Variants in ERG observed in about 807,000 individuals in gnomAD.
The protein encoded by ERG is ETS transcription factor ERG, also known as transcriptional regulator ERG.
In ERG, 9 loss-of-function variants were observed where a neutral mutation model predicts 55.3. That is an observed-to-expected ratio of 0.16 (90% CI 0.10 to 0.28). The LOEUF (loss-of-function observed/expected upper bound fraction) is 0.28, where lower values mean the gene tolerates loss of function less well. ERG is among the 10% of genes least tolerant of loss of function. The pLI is 1.00. For missense variants in ERG, 434 were observed against 631.6 expected (o/e 0.69, Z 3.35); for synonymous variants, 223 against 237.3 (o/e 0.94, Z 0.55).
intron 1 of ERG, among the ~76,000 whole-genome samples, chr21:38,490,929 C>A (rs760955094): frequency 6.6e-6 from 1 of 152,208 alleles, no homozygotes; most frequent in Non-Finnish European, 1.5e-5. Flanking sequence ...AAGTGCCTCC[C>A]TGGGCCAAAG....
intron 1 of ERG, among the ~76,000 whole-genome samples, chr21:38,611,728 T>C (rs993723817): frequency 1.3e-5 from 2 of 152,090 alleles, no homozygotes; most frequent in African/African-American, 4.8e-5. Context: ...TGTCTTATTG[T>C]CTGTCTGTCT....
chr21:38,411,064 C>T (rs1193740844), intron 3 of ERG, among the ~76,000 whole-genome samples: 1 of 152,158 alleles, frequency 6.6e-6, no homozygotes, highest in Non-Finnish European at 1.5e-5. Context: ...TAAGATTTAA[C>T]ATCTTGCATC....
intron 2 of ERG, among the ~76,000 whole-genome samples, chr21:38,567,051 T>C (rs1033832433): frequency 7.0e-6 from 1 of 142,788 alleles, no homozygotes; most frequent in Admixed American, 7.3e-5. Flanking sequence ...CCTCACTGAA[T>C]CTTAACGAGG....
chr21:38,372,527 T>C, the ERG span, among the ~76,000 whole-genome samples: 1 of 152,044 alleles, frequency 6.6e-6, no homozygotes, highest in African/African-American at 2.4e-5. Flanking sequence ...AAATTTTATA[T>C]GTATTTTATT....
rs1427474565 is a variant in ERG, at chr21:38,382,661, C to T, written c.*742G>A. ...TTGCTTGAGAAGTTTCTTTCCCAGC[C>T]CTGGTCTCCTCCTTCTCTGCCTCTT... On this transcript the variant is annotated 3_prime_UTR_variant, in exon 10 of 10. Coordinates refer to ENST00000288319, the MANE Select transcript of ERG (RefSeq NM_182918.4). 3.7e-6 allele frequency: 4 copies of T among 1,066,974 alleles called. No homozygotes were observed. The highest frequency in any genetic ancestry group is 4.5e-6 in the Non-Finnish European group (4 of 880,212). 66.1% of individuals were successfully genotyped at this position (1,066,974 alleles called of 1,614,324 possible).
chr21:38,400,214 G>A (rs1460120388), intron 6 of ERG: 2 of 439,380 alleles, frequency 4.6e-6, no homozygotes, highest in Non-Finnish European at 8.7e-6. Flanking sequence ...ATCGGTCACT[G>A]TGAATCTGGG....
At chr21:38,417,870 A>G (rs1051422623) in intron 3 of ERG, among the ~76,000 whole-genome samples, 5 of 152,204 alleles carry the variant, frequency 3.3e-5, no homozygotes, top group African/African-American at 1.2e-4. Flanking sequence ...TGCTAAAGCG[A>G]GAGGTCCTAT....
chr21:38,535,176 G>A (rs115636696), intron 2 of ERG, among the ~76,000 whole-genome samples: 102 of 151,848 alleles, frequency 6.7e-4, no homozygotes, highest in African/African-American at 2.2e-3. Flanking sequence ...AAATAAACCA[G>A]TCACAAAAAG....
At chr21:38,658,455 C>T (rs1254461004) in intron 1 of ERG, among the ~76,000 whole-genome samples, 3 of 152,176 alleles carry the variant, frequency 2.0e-5, no homozygotes, top group Admixed American at 6.5e-5. Flanking sequence ...GACTTGCTAT[C>T]GGTTTTTGCC....
chr21:38,530,952 C>T (rs2836475), intron 2 of ERG, among the ~76,000 whole-genome samples: 3 of 152,132 alleles, frequency 2.0e-5, no homozygotes, highest in South Asian at 2.1e-4. Context: ...TGCTGAACTA[C>T]AGTCAGGCCA....
Position 38,651,920 on chromosome 21 carries a change from G to A in ERG, c.-150+9738C>T, listed in dbSNP as rs78313013. On this transcript the variant is annotated intron_variant, in intron 1 of 10. Transcript: ENST00000398910. ...CCTCACTGCTATTCTGGAAAATGAGGACAATTAGAGCACCTCCTGCAAAGA... is the reference window on the plus strand; with the variant it reads ...CCTCACTGCTATTCTGGAAAATGAGAACAATTAGAGCACCTCCTGCAAAGA... Among the ~76,000 whole-genome samples, 118 of 152,276 alleles carry A rather than the reference G, an allele frequency of 7.7e-4. 1 individual carries two copies. The East Asian group carries it at 0.021, about 26-fold the overall frequency.
intron 1 of ERG, among the ~76,000 whole-genome samples, chr21:38,495,795 A>T (rs2059374484): frequency 6.6e-6 from 1 of 152,160 alleles, no homozygotes; most frequent in South Asian, 2.1e-4. Context: ...CTGAAGCACA[A>T]TCGAGTTTTC....
At chr21:38,641,107 C>T (rs1339360154) in intron 1 of ERG, among the ~76,000 whole-genome samples, 2 of 152,186 alleles carry the variant, frequency 1.3e-5, no homozygotes, top group Non-Finnish European at 2.9e-5. Flanking sequence ...AGAGCCATCC[C>T]ATGCTCATTG....
At chr21:38,370,923 A>T in the ERG span, among the ~76,000 whole-genome samples, 2 of 151,824 alleles carry the variant, frequency 1.3e-5, no homozygotes, top group Admixed American at 1.3e-4. Flanking sequence ...GTAATTTTAA[A>T]AACAGCTTGT....
chr21:38,512,146 T>C (rs1025051934), intron 2 of ERG, among the ~76,000 whole-genome samples: 5 of 152,108 alleles, frequency 3.3e-5, no homozygotes, highest in Admixed American at 6.5e-5. Flanking sequence ...ACCCACACAA[T>C]GCAAAAGAAC....
chr21:38,652,795 A>G (rs564279562), intron 1 of ERG, among the ~76,000 whole-genome samples: 2 of 152,176 alleles, frequency 1.3e-5, no homozygotes, highest in African/African-American at 2.4e-5. Context: ...CCATTGCCAT[A>G]CAGTCTAGAG....
Position 38,569,746 on chromosome 21 carries a change from G to T in ERG, c.-41+5916C>A, listed in dbSNP as rs998027296. On this transcript the variant is annotated intron_variant, in intron 2 of 8. Coordinates refer to the ERG transcript ENST00000398897. Reference sequence around the variant, plus strand: ...GGTAATTCCAATGCTGAGTTATGTGGTTTTTTTTCCTTATTTTTCTTTTCA... The same window carrying T: ...GGTAATTCCAATGCTGAGTTATGTGTTTTTTTTTCCTTATTTTTCTTTTCA... Among the ~76,000 whole-genome samples the T allele has an allele frequency of 2.6e-5, 4 of 151,786 alleles. No homozygotes were observed. The South Asian group carries it at 6.3e-4, about 24-fold the overall frequency.
intron 2 of ERG, among the ~76,000 whole-genome samples, chr21:38,567,817 G>A (rs368467233): frequency 1.3e-5 from 2 of 152,082 alleles, no homozygotes; most frequent in Non-Finnish European, 2.9e-5. Context: ...AGGCAGATTC[G>A]GGCGCTTTCT....
At position 38,440,171 on chromosome 21, in the gene ERG, A is replaced by T. The variant is rs926285795; in HGVS notation, c.236+5233T>A. Among the ~76,000 whole-genome samples the T allele has an allele frequency of 3.4e-4, 52 of 152,338 alleles. 1 individual carries two copies. The highest frequency in any genetic ancestry group is 1.2e-3 in the African/African-American group (51 of 41,588). On this transcript the variant is annotated intron_variant, in intron 2 of 9. Coordinates refer to ENST00000288319, the MANE Select transcript of ERG (RefSeq NM_182918.4). ...CAGGAAAGCCCATTATGCATAAGCT[A>T]AGAGGAGGGACAATTAGAAGAAGCT...
Sources: allele counts gnomAD v4.1 joint callset (sites outside exome capture counted in the v4.1 genomes callset), GRCh38; gene constraint gnomAD v4.1.1; transcripts MANE v1.5; gene names NCBI Gene and HGNC (gene_info 2026-07-23, HGNC 2026-07-21).